Variants in TLR3 observed in about 807,000 individuals in gnomAD.
TLR3 encodes the protein toll like receptor 3, also known as toll-like receptor 3.
In TLR3, 43 loss-of-function variants were observed where a neutral mutation model predicts 66.4. The ratio of observed to expected loss-of-function variants is 0.65; its 90% CI spans 0.51 to 0.83. The LOEUF (loss-of-function observed/expected upper bound fraction) is 0.83, where lower values mean the gene tolerates loss of function less well. Among genes scored for constraint, TLR3 ranks in the 40% least tolerant of loss-of-function variants. The pLI, the probability that TLR3 is intolerant of heterozygous loss-of-function variation, is 0.00. For missense variants in TLR3, 982 were observed against 1,044.6 expected, an observed-to-expected ratio of 0.94 and a Z score of 0.83; for synonymous variants, 397 against 397.2, an observed-to-expected ratio of 1.00 and a Z score of 0.01.
At chr4:186,079,585 C>T (rs1331078511) in intron 3 of TLR3, among the ~76,000 whole-genome samples, 1 of 152,182 alleles carries the variant, frequency 6.6e-6, no homozygotes, top group Non-Finnish European at 1.5e-5. Flanking sequence ...AAATGATCAG[C>T]AGCAGTATGT....
intron 1 of TLR3, among the ~76,000 whole-genome samples, chr4:186,069,845 G>A (rs1190765268): frequency 6.6e-6 from 1 of 152,196 alleles, no homozygotes; most frequent in Non-Finnish European, 1.5e-5. Context: ...CAATTGTGGG[G>A]TACTCGGGTA....
At position 186,078,139 on chromosome 4, in the gene TLR3, CTT is replaced by C. The variant is rs747211265; in HGVS notation, c.442-700_442-699del. 1.3e-4 allele frequency among the ~76,000 whole-genome samples: 20 copies of C among 152,248 alleles called. 2 individuals are homozygous for C. The highest frequency in any genetic ancestry group is 1.0e-3 in the Admixed American group (16 of 15,294). On this transcript the variant is annotated intron_variant, in intron 2 of 4. Transcript: ENST00000296795. ...TTGCAAAATGTTATTTTTGTAAAGA[CTT>C]AAATTAAAAAACCTGCTTCTCGTTA...
intron 1 of TLR3, among the ~76,000 whole-genome samples, chr4:186,073,791 A>C (rs944282847): frequency 6.6e-6 from 1 of 152,164 alleles, no homozygotes; most frequent in South Asian, 2.1e-4. Context: ...TAAATAGGCA[A>C]CTCACACACT....
chr4:186,074,926 T>C (rs1486921316), intron 1 of TLR3, among the ~76,000 whole-genome samples: 2 of 152,068 alleles, frequency 1.3e-5, no homozygotes, highest in Non-Finnish European at 2.9e-5. Flanking sequence ...CACTGGAAGC[T>C]CTTTAGGGGC....
chr4:186,083,418 C>A lies in TLR3; in HGVS notation c.1732C>A (p.Pro578Thr). 1 of 1,613,810 alleles carries A rather than the reference C, an allele frequency of 6.2e-7. No homozygotes were observed. Among genetic ancestry groups the A allele is most frequent in the South Asian group, 1.1e-5 (1 of 91,070 alleles). Residue 578 changes from proline (P) to threonine (T), a missense_variant, in exon 4 of 5, where the codon CCA becomes ACA. Transcript: ENST00000296795. This position sits in a 1 kb window ranked among gnomAD's most constrained non-coding sequence, Gnocchi z 4.0. ...NLESNGFDEIPVEVFKDLFEL... is the reference protein window; with the variant it reads ...NLESNGFDEITVEVFKDLFEL... ...GGAGTCCAACGGCTTTGACGAGATC[C>A]CAGTTGAGGTCTTCAAGGATTTATT...
In TLR3 at chr4:186,087,563, C is replaced by T. The variant is rs2099304563; in HGVS notation, c.*2690C>T. The T allele has an allele frequency of 6.6e-6, 1 of 152,162 alleles. No individual in the cohort carries two copies. Among genetic ancestry groups the T allele is most frequent in the Non-Finnish European group, 1.5e-5 (1 of 68,032 alleles). 9.4% of individuals were successfully genotyped at this position (152,162 alleles called of 1,614,324 possible). ...CTGTTTTTCACATTGCAAAACAAAACCCAACTGAATCGACACTGAGTTTAA... is the reference window on the plus strand; with the variant it reads ...CTGTTTTTCACATTGCAAAACAAAATCCAACTGAATCGACACTGAGTTTAA... On this transcript the variant is annotated 3_prime_UTR_variant, in exon 5 of 5. Coordinates refer to ENST00000296795, the MANE Select transcript of TLR3 (RefSeq NM_003265.3).
At chr4:186,077,904 T>C (rs2099302722) in intron 2 of TLR3, among the ~76,000 whole-genome samples, 1 of 152,138 alleles carries the variant, frequency 6.6e-6, no homozygotes, top group South Asian at 2.1e-4. Context: ...ACCAAAGCGA[T>C]TTTCAAGTTA....
intron 1 of TLR3, among the ~76,000 whole-genome samples, chr4:186,074,607 T>C (rs1353582975): frequency 6.6e-6 from 1 of 152,222 alleles, no homozygotes; most frequent in Non-Finnish European, 1.5e-5. Flanking sequence ...ACTAAACCTA[T>C]TTAAAAATTT....
chr4:186,085,110 A>G lies in TLR3; in HGVS notation c.*237A>G. On this transcript the variant is annotated 3_prime_UTR_variant, in exon 5 of 5. Coordinates refer to ENST00000296795, the MANE Select transcript of TLR3 (RefSeq NM_003265.3). ...ATATAAGCACGTAAGAACATTGTCT[A>G]CTGATTAATATACAATCAGCCACTG... The G allele has an allele frequency of 1.9e-6, 1 of 523,630 alleles. No homozygotes were observed. Among genetic ancestry groups the G allele is most frequent in the Non-Finnish European group, 3.4e-6 (1 of 295,052 alleles). The allele number at this position is 523,630 out of a possible 1,614,324, so 32.4% of individuals were successfully genotyped here.
At position 186,085,918 on chromosome 4, in the gene TLR3, T is replaced by G. The variant is rs2310394; in HGVS notation, c.*1045T>G. The G allele has an allele frequency of 0.8, 121,472 of 152,156 alleles. 48,858 individuals carry two copies. Among genetic ancestry groups the G allele is most frequent in the East Asian group, 0.88 (4,538 of 5,168 alleles). 9.4% of individuals were successfully genotyped at this position (152,156 alleles called of 1,614,324 possible). On this transcript the variant is annotated 3_prime_UTR_variant, in exon 5 of 5. Transcript: ENST00000296795. Reference sequence around the variant, plus strand: ...CTGGCTCTGTCGCCCAGGCTGGAGTTCAGTGGTCCAACCTCGGCCCACCGC... The same window carrying G: ...CTGGCTCTGTCGCCCAGGCTGGAGTGCAGTGGTCCAACCTCGGCCCACCGC...
Position 186,084,840 on chromosome 4 carries a change from A to G in TLR3, c.2682A>G (p.Gln894=), listed in dbSNP as rs1259167195. 7 of 1,614,068 alleles carry G rather than the reference A, an allele frequency of 4.3e-6. No homozygotes were observed. Among genetic ancestry groups the G allele is most frequent in the Non-Finnish European group, 4.2e-6 (5 of 1,179,988 alleles). ...ERIGAFRHKL[Q]VALGSKNSVH ...TAGGTGCCTTTCGTCATAAATTGCA[A>G]GTAGCACTTGGATCCAAAAACTCTG... The change falls in exon 5 of 5, where the codon CAA becomes CAG. Residue 894 remains glutamine, a synonymous_variant. Transcript: ENST00000296795.
chr4:186,083,510 T>A lies in TLR3; in HGVS notation c.1824T>A (p.Asn608Lys). ...LNTLPASVFN[N>K]QVSLKSLNLQ... ...CACTTCCAGCATCTGTCTTTAATAATCAGGTGTCTCTAAAGTCATTGAACC... is the reference window on the plus strand; with the variant it reads ...CACTTCCAGCATCTGTCTTTAATAAACAGGTGTCTCTAAAGTCATTGAACC... Residue 608 changes from asparagine (N) to lysine (K), a missense_variant, in exon 4 of 5, where the codon AAT (asparagine) becomes AAA (lysine). By Grantham distance (94) the Asn-to-Lys change is moderately conservative. Transcript: ENST00000296795. The surrounding 1 kb of genome is among the most constrained non-coding windows in gnomAD (Gnocchi z 4.0). 6.2e-7 allele frequency: 1 copy of A among 1,608,214 alleles called. No individual in the cohort carries two copies. The highest frequency in any genetic ancestry group is 1.1e-5 in the South Asian group (1 of 90,022).
At position 186,083,238 on chromosome 4, in the gene TLR3, A is replaced by T. The variant is rs932524368; in HGVS notation, c.1552A>T (p.Ile518Leu). The part of the protein sequence containing the change: ...LTILDLSNNN[I>L]ANINDDMLEG... ...CATTCTGGATCTAAGCAACAACAACATAGCCAACATAAATGATGACATGTT... is the reference window on the plus strand; with the variant it reads ...CATTCTGGATCTAAGCAACAACAACTTAGCCAACATAAATGATGACATGTT... Residue 518 changes from isoleucine (I) to leucine (L), a missense_variant, in exon 4 of 5, where the codon ATA (isoleucine) becomes TTA (leucine). Transcript: ENST00000296795. The surrounding 1 kb of genome is among the most constrained non-coding windows in gnomAD (Gnocchi z 4.0). The T allele has an allele frequency of 6.2e-7, 1 of 1,614,178 alleles. No homozygotes were observed. Among genetic ancestry groups the T allele is most frequent in the Non-Finnish European group, 8.5e-7 (1 of 1,180,024 alleles).
chr4:186,082,363 T>A lies in TLR3; in HGVS notation c.677T>A (p.Leu226His). Residue 226 changes from leucine (L) to histidine (H), a missense_variant, in exon 4 of 5, where the codon CTC becomes CAC. This residue lies in a region of TLR3 where 313 missense variants were observed against 319.0 expected (regional missense o/e 0.98). Transcript: ENST00000296795. The part of the protein sequence containing the change: ...CFHAIGRLFG[L>H]FLNNVQLGPS... ...CACGCAATTGGAAGATTATTTGGCC[T>A]CTTTCTGAACAATGTCCAGCTGGGT... The A allele has an allele frequency of 6.2e-7, 1 of 1,613,974 alleles. No homozygotes were observed. Among genetic ancestry groups the A allele is most frequent in the Non-Finnish European group, 8.5e-7 (1 of 1,180,002 alleles).
chr4:186,084,958 T>A lies in TLR3; in HGVS notation c.*85T>A. ...CAAATTTAAGTTTTCCATAAAGGTG[T>A]TATAATTTGTTTATTCATATTTGTA... is the stretch of plus-strand genomic sequence containing the variant. On this transcript the variant is annotated 3_prime_UTR_variant, in exon 5 of 5. Transcript: ENST00000296795. 3 of 1,053,284 alleles carry A rather than the reference T, an allele frequency of 2.8e-6. No homozygotes were observed. The highest frequency in any genetic ancestry group is 4.3e-6 in the Non-Finnish European group (3 of 705,118). 65.2% of individuals were successfully genotyped at this position (1,053,284 alleles called of 1,614,324 possible). A position where few individuals can be genotyped will look rare whatever the true frequency, so the allele number is the denominator to read the frequency against.
chr4:186,079,802 G>A (rs1187799945), intron 3 of TLR3, among the ~76,000 whole-genome samples: 7 of 152,198 alleles, frequency 4.6e-5, no homozygotes, highest in African/African-American at 1.4e-4. Context: ...ACTACATTGC[G>A]AGAAGGCAAC....
chr4:186,078,283 G>A (rs1001149000), intron 2 of TLR3, among the ~76,000 whole-genome samples: 22 of 152,062 alleles, frequency 1.4e-4, no homozygotes, highest in African/African-American at 5.1e-4. Flanking sequence ...CCACAGTACT[G>A]ATAAAGCAAA....
intron 1 of TLR3, among the ~76,000 whole-genome samples, chr4:186,073,905 A>T (rs116788137): frequency 0.15 from 23,404 of 152,182 alleles, 2,063 homozygotes; most frequent in East Asian, 0.23. Flanking sequence ...CTAATAGATG[A>T]GCAAAATATT....
intron 4 of TLR3, 78 bp from the exon 5 acceptor site, chr4:186,084,567 T>G: frequency 3.0e-6 from 3 of 989,798 alleles, no homozygotes; most frequent in Non-Finnish European, 4.7e-6. Flanking sequence ...GTTTAAACTC[T>G]ACAGAGTATT....
Sources: gnomAD v4.1 joint callset for allele counts (sites outside exome capture counted in the v4.1 genomes callset) on GRCh38, gnomAD v4.1.1 for gene constraint, gnomAD v4.1.1 regional missense constraint, Gnocchi (gnomAD v3.1) non-coding constraint, MANE v1.5 for transcripts, NCBI Gene and HGNC (gene_info 2026-07-23, HGNC 2026-07-21) for gene names.